Variants in MDGA2 observed in about 807,000 individuals in gnomAD.
MDGA2 encodes the protein MAM domain-containing glycosylphosphatidylinositol anchor protein 2.
Under a neutral mutation model 117.8 loss-of-function variants are expected in MDGA2, and 40 were observed. That is an observed-to-expected ratio of 0.34 (90% confidence interval 0.26 to 0.44). The LOEUF (loss-of-function observed/expected upper bound fraction) is 0.44. Ranked by LOEUF, MDGA2 falls within the 20% of genes least tolerant of loss-of-function variation. The probability of loss-of-function intolerance (pLI) is 1.00; values close to 1 mark genes in which losing one functional copy is unlikely to be tolerated. For missense variants in MDGA2, 1,123 were observed against 1,250.6 expected (o/e 0.90, Z 1.54); for synonymous variants, 452 against 439.0 (o/e 1.03, Z -0.37).
intron 1 of MDGA2, among the ~76,000 whole-genome samples, chr14:47,573,145 G>T (rs55843472): frequency 0.1 from 15,408 of 151,924 alleles, 1,117 homozygotes; most frequent in Non-Finnish European, 0.14. Context: ...ATCCATTAAG[G>T]AATTTGCTTC....
At position 46,851,887 on chromosome 14, in the gene MDGA2, G is replaced by A. The variant is rs1440911109; in HGVS notation, c.2883+3137C>T. 2.1e-5 allele frequency among the ~76,000 whole-genome samples: 3 copies of A among 145,862 alleles called. No individual in the cohort carries two copies. In the East Asian group the frequency reaches 6.2e-4, roughly 30 times the overall value. ...AAAGTATTTTTGAGAAGTTTGACAA[G>A]TTATAAAAGATTTTTGGGTAAAAAA... is the stretch of plus-strand genomic sequence containing the variant. On this transcript the variant is annotated intron_variant, in intron 15 of 16. Coordinates refer to ENST00000399232, the MANE Select transcript of MDGA2 (RefSeq NM_001113498.3).
chr14:46,982,709 A>T (rs1251652729), intron 8 of MDGA2, among the ~76,000 whole-genome samples: 1 of 43,144 alleles, frequency 2.3e-5, no homozygotes, highest in African/African-American at 1.1e-4. Context: ...CTCCATCAAA[A>T]AAAAAAAAAA....
intron 1 of MDGA2, among the ~76,000 whole-genome samples, chr14:47,619,925 G>A (rs1238618834): frequency 1.3e-5 from 2 of 152,126 alleles, no homozygotes; most frequent in Non-Finnish European, 2.9e-5. Flanking sequence ...ATCTGTTGTT[G>A]TCCTCATCCC....
At position 47,634,590 on chromosome 14, in the gene MDGA2, T is replaced by C. The variant is rs966819800; in HGVS notation, c.280+39927A>G. 3.9e-5 allele frequency among the ~76,000 whole-genome samples: 6 copies of C among 152,170 alleles called. No individual in the cohort carries two copies. In the East Asian group the frequency reaches 5.8e-4, roughly 15 times the overall value. On this transcript the variant is annotated intron_variant, in intron 1 of 16. Transcript: ENST00000399232. ...GTAAACAAAACTGTTTTTTCTTTTTTAGCTTTTCTAAGCTATATTTTGTGC... is the reference window on the plus strand; with the variant it reads ...GTAAACAAAACTGTTTTTTCTTTTTCAGCTTTTCTAAGCTATATTTTGTGC...
rs183209824 is a variant in MDGA2 at position 47,602,663 on chromosome 14, T to G, written c.280+71854A>C. The stretch of plus-strand genomic sequence containing the variant: ...GATAAAAGTGACAGACAGAAAATTG[T>G]TAGACTTTTTCCTTGAGGCCTCCAA... On this transcript the variant is annotated intron_variant, in intron 1 of 16. Coordinates refer to ENST00000399232, the MANE Select transcript of MDGA2 (RefSeq NM_001113498.3). Among the ~76,000 whole-genome samples, 3 of 152,264 alleles carry G rather than the reference T, an allele frequency of 2.0e-5. No homozygotes were observed. In the East Asian group the frequency reaches 5.8e-4, roughly 29 times the overall value.
intron 2 of MDGA2, among the ~76,000 whole-genome samples, chr14:47,236,075 G>A (rs909183023): frequency 6.6e-6 from 1 of 152,006 alleles, no homozygotes; most frequent in Non-Finnish European, 1.5e-5. Context: ...GGCGGATCAC[G>A]AGGTCAGGAG....
At position 46,921,956 on chromosome 14, in the gene MDGA2, T is replaced by C. The variant is rs538180429; in HGVS notation, c.2090-1796A>G. On this transcript the variant is annotated intron_variant, in intron 9 of 16. Coordinates refer to ENST00000399232, the MANE Select transcript of MDGA2 (RefSeq NM_001113498.3). ...TTTTCTATGAGGACTGAGGGGTTGC[T>C]TCTGTTATTTAATCAAGGAAGAAAC... is the stretch of plus-strand genomic sequence containing the variant. Among the ~76,000 whole-genome samples, 4 of 152,258 alleles carry C rather than the reference T, an allele frequency of 2.6e-5. No homozygotes were observed. In the South Asian group the frequency reaches 8.3e-4, roughly 32 times the overall value.
chr14:47,673,302 A>G (rs1278697221), intron 1 of MDGA2, among the ~76,000 whole-genome samples: 1 of 152,208 alleles, frequency 6.6e-6, no homozygotes, highest in African/African-American at 2.4e-5. Flanking sequence ...AGTCAGTTCC[A>G]GGGTCTGCAG....
In MDGA2 at chr14:46,920,028, C is replaced by A; in HGVS notation, c.2222G>T (p.Arg741Leu). Residue 741 changes from arginine (R) to leucine (L), a missense_variant, in exon 10 of 17, where the codon CGG becomes CTG. Arg to Leu is a moderately radical substitution (Grantham distance 102). Around this residue, in one of 2 missense-constraint regions of MDGA2, gnomAD observed 890 missense variants for 1,050.3 expected, o/e 0.85. Coordinates refer to ENST00000399232, the MANE Select transcript of MDGA2 (RefSeq NM_001113498.3). ...PDAVDRIVAY[R>L]LGIRQAGQQR... Reference sequence around the variant, plus strand: ...ATTTCTCACCTGCCTGATGCCCAACCGGTATGCAACAATCCGATCCACTGC... The same window carrying A: ...ATTTCTCACCTGCCTGATGCCCAACAGGTATGCAACAATCCGATCCACTGC... 6.3e-7 allele frequency: 1 copy of A among 1,576,176 alleles called. No homozygotes were observed. Among genetic ancestry groups the A allele is most frequent in the Non-Finnish European group, 8.6e-7 (1 of 1,165,484 alleles).
At chr14:47,492,941 A>G (rs1894202291) in intron 1 of MDGA2, among the ~76,000 whole-genome samples, 1 of 152,104 alleles carries the variant, frequency 6.6e-6, no homozygotes, top group Non-Finnish European at 1.5e-5. Flanking sequence ...CTTTACATGC[A>G]TCTAGGGAAA....
chr14:47,088,111 A>G (rs1890975258), intron 6 of MDGA2, among the ~76,000 whole-genome samples: 1 of 152,070 alleles, frequency 6.6e-6, no homozygotes, highest in Non-Finnish European at 1.5e-5. Context: ...ATTTGAAATT[A>G]TATTTATAAT....
At chr14:47,309,928 G>C (rs1351436174) in intron 1 of MDGA2, among the ~76,000 whole-genome samples, 1 of 151,806 alleles carries the variant, frequency 6.6e-6, no homozygotes, top group African/African-American at 2.4e-5. Context: ...AAATTCTAAT[G>C]GTAAGACAAT....
At chr14:46,993,067 T>TAA (rs11422200) in intron 8 of MDGA2, among the ~76,000 whole-genome samples, 9 of 147,892 alleles carry the variant, frequency 6.1e-5, no homozygotes, top group South Asian at 2.1e-4. Context: ...TAGTTATCCT[T>TAA]AAAAAAAAAA....
At chr14:46,890,124 C>A (rs944568436) in intron 10 of MDGA2, among the ~76,000 whole-genome samples, 3 of 152,034 alleles carry the variant, frequency 2.0e-5, no homozygotes, top group Non-Finnish European at 4.4e-5. Flanking sequence ...TCTCCCCCAG[C>A]CACCTCCTGC....
At chr14:47,341,393 T>A (rs1890617466) in intron 1 of MDGA2, among the ~76,000 whole-genome samples, 1 of 152,216 alleles carries the variant, frequency 6.6e-6, no homozygotes, top group Non-Finnish European at 1.5e-5. Flanking sequence ...ATTACTCTTT[T>A]CAACACTGAT....
chr14:47,628,448 AT>A lies in MDGA2; in HGVS notation c.280+46068del, dbSNP rs1483031311. On this transcript the variant is annotated intron_variant, in intron 1 of 16. Transcript: ENST00000399232. ...GTGCTTAGAAATATTTGTTTAATGA[AT>A]TTAAAGTCTGTTTCATTAAGCTTCA... Among the ~76,000 whole-genome samples the A allele has an allele frequency of 5.9e-5, 9 of 152,278 alleles. 1 individual carries two copies. Among genetic ancestry groups the A allele is most frequent in the African/African-American group, 2.2e-4 (9 of 41,580 alleles).
In MDGA2 at chr14:47,660,377, C is replaced by A. The variant is rs995369050; in HGVS notation, c.280+14140G>T. The stretch of plus-strand genomic sequence containing the variant: ...ATAGTCACAATGATACAGGGTTATA[C>A]TATAGGACACAATAACAGCATTCAA... On this transcript the variant is annotated intron_variant, in intron 1 of 16. Coordinates refer to ENST00000399232, the MANE Select transcript of MDGA2 (RefSeq NM_001113498.3). 4.6e-5 allele frequency among the ~76,000 whole-genome samples: 7 copies of A among 152,258 alleles called. No individual in the cohort carries two copies. In the South Asian group the frequency reaches 1.0e-3, roughly 23 times the overall value.
intron 1 of MDGA2, among the ~76,000 whole-genome samples, chr14:47,500,634 G>A (rs1894380081): frequency 6.6e-6 from 1 of 151,808 alleles, no homozygotes; most frequent in Non-Finnish European, 1.5e-5. Flanking sequence ...AGCAGAAGGG[G>A]TTCCAATGGG....
intron 1 of MDGA2, among the ~76,000 whole-genome samples, chr14:47,570,664 C>T (rs1896002404): frequency 1.3e-5 from 2 of 152,070 alleles, no homozygotes; most frequent in South Asian, 4.2e-4. Context: ...GAAAGGATTC[C>T]CTATTTAATA....
Sources: gnomAD v4.1 joint callset for allele counts (sites outside exome capture counted in the v4.1 genomes callset) on GRCh38, gnomAD v4.1.1 for gene constraint, gnomAD v4.1.1 regional missense constraint, MANE v1.5 for transcripts, NCBI Gene and HGNC (gene_info 2026-07-23, HGNC 2026-07-21) for gene names.